The following MUC20 variants were observed in gnomAD, a reference collection of about 807,000 sequenced individuals.
MUC20 encodes mucin-20.
In MUC20, 14 loss-of-function variants were observed where a neutral mutation model predicts 23.8. The ratio of observed to expected loss-of-function variants is 0.59; its 90% CI spans 0.39 to 0.92. The LOEUF (loss-of-function observed/expected upper bound fraction) is 0.92. Ranked by LOEUF, MUC20 falls within the 40% of genes least tolerant of loss-of-function variation. The pLI, the probability that MUC20 is intolerant of heterozygous loss-of-function variation, is 0.00. For missense variants in MUC20, 375 were observed against 668.8 expected, an observed-to-expected ratio of 0.56 and a Z score of 4.85; for synonymous variants, 166 against 279.3, an observed-to-expected ratio of 0.59 and a Z score of 4.04.
chr3:195,731,106 G>A (rs796825464), intron 3 of MUC20, among the ~76,000 whole-genome samples: 4 of 152,356 alleles, frequency 2.6e-5, no homozygotes, highest in African/African-American at 9.6e-5. Flanking sequence ...GTCTAATGTG[G>A]ATTGCCTCTT....
In MUC20 at chr3:195,723,994, C is replaced by T. The variant is rs1577839961; in HGVS notation, c.77-686C>T. Among the ~76,000 whole-genome samples, 2 of 33,938 alleles carry T rather than the reference C, an allele frequency of 5.9e-5. 1 individual carries two copies. Among genetic ancestry groups the T allele is most frequent in the Admixed American group, 3.9e-4 (2 of 5,160 alleles). 22.3% of individuals were successfully genotyped at this position (33,938 alleles called of 152,430 possible). A position where few individuals can be genotyped will look rare whatever the true frequency, so the allele number is the denominator to read the frequency against. ...AGCTAGGTGTTGCCTCAGGGTCTCC[C>T]GGTGTCCTGTGGAAAATGCCTGGCC... On this transcript the variant is annotated intron_variant, in intron 1 of 3. Coordinates refer to ENST00000447234, the MANE Select transcript of MUC20 (RefSeq NM_001282506.2).
intron 2 of MUC20, chr3:195,729,382 T>C (rs549176829): frequency 8.2e-5 from 34 of 415,150 alleles, no homozygotes; most frequent in African/African-American, 6.7e-4. Flanking sequence ...AGTGCTGCGA[T>C]CTCAGATCAC....
intron 3 of MUC20, among the ~76,000 whole-genome samples, chr3:195,732,082 C>G (rs1309933898): frequency 1.3e-5 from 2 of 152,254 alleles, no homozygotes; most frequent in Admixed American, 1.3e-4. Flanking sequence ...TGGCTCACCA[C>G]AACCTCCGCC....
chr3:195,721,579 CTGCT>C (rs57056573), intron 1 of MUC20: 5,406 of 181,300 alleles, frequency 0.03, 39 homozygotes, highest in African/African-American at 0.13. Flanking sequence ...CTGCCACAAA[CTGCT>C]TGGGAAGGGT....
chr3:195,730,656 C>G (rs2148707868), intron 3 of MUC20, among the ~76,000 whole-genome samples: 1 of 152,324 alleles, frequency 6.6e-6, no homozygotes, highest in South Asian at 2.1e-4. Flanking sequence ...GGCCCCCTCT[C>G]CCCAAATTTT....
chr3:195,726,541 C>T lies in MUC20; in HGVS notation c.1938C>T (p.Ala646=), dbSNP rs1063306. The T allele has an allele frequency of 0.1, 141,032 of 1,358,710 alleles. 9 individuals carry two copies. Among genetic ancestry groups the T allele is most frequent in the East Asian group, 0.39 (15,594 of 39,958 alleles). 84.2% of individuals were successfully genotyped at this position (1,358,710 alleles called of 1,614,324 possible). A position where few individuals can be genotyped will look rare whatever the true frequency, so the allele number is the denominator to read the frequency against. Residue 646 remains alanine, a synonymous_variant, in exon 2 of 4, where the codon GCC becomes GCT. Coordinates refer to ENST00000447234, the MANE Select transcript of MUC20 (RefSeq NM_001282506.2). The part of the protein sequence containing the change: ...MKPPTATPTT[A]RTRPTTDVSA... Reference sequence around the variant, plus strand: ...CCCCAACAGCCACGCCCACGACTGCCCGGACGAGGCCGACCACAGACGTGA... The same window carrying T: ...CCCCAACAGCCACGCCCACGACTGCTCGGACGAGGCCGACCACAGACGTGA...
chr3:195,731,758 A>G (rs1713408426), intron 3 of MUC20, among the ~76,000 whole-genome samples: 1 of 152,256 alleles, frequency 6.6e-6, no homozygotes, highest in Non-Finnish European at 1.5e-5. Flanking sequence ...TACTCCCATG[A>G]GCCCACAGCC....
chr3:195,726,015 T>C lies in MUC20; in HGVS notation c.1412T>C (p.Ile471Thr). ...LPDSTEAKPHITEVTASAETL... is the reference protein window; with the variant it reads ...LPDSTEAKPHTTEVTASAETL... ...GACTCCACTGAAGCAAAACCACACA[T>C]CACTGAGGTCACAGCCTCTGCCGAG... The change falls in exon 2 of 4, where the codon ATC becomes ACC. Residue 471 changes from isoleucine to threonine, a missense_variant. By Grantham distance (89) the Ile-to-Thr change is moderately conservative. This residue lies in a region of MUC20 where 343 missense variants were observed against 340.2 expected (regional missense o/e 1.01). Transcript: ENST00000447234. The C allele has an allele frequency of 6.2e-7, 1 of 1,613,914 alleles. No homozygotes were observed. Among genetic ancestry groups the C allele is most frequent in the Non-Finnish European group, 8.5e-7 (1 of 1,179,868 alleles).
chr3:195,726,759 A>G (rs1712731639), intron 2 of MUC20, among the ~76,000 whole-genome samples, 187 bp downstream of exon 2: 1 of 152,226 alleles, frequency 6.6e-6, no homozygotes, highest in African/African-American at 2.4e-5. Context: ...AGGGTTGTGT[A>G]TGGAAAGGGG....
intron 3 of MUC20, among the ~76,000 whole-genome samples, chr3:195,731,307 G>C (rs1486853363): frequency 6.6e-6 from 1 of 152,220 alleles, no homozygotes; most frequent in Non-Finnish European, 1.5e-5. Flanking sequence ...GCTGGCTGGG[G>C]GTCTTATGCC....
intron 1 of MUC20, chr3:195,722,839 T>A (rs1712279909): frequency 1.0e-6 from 1 of 988,278 alleles, no homozygotes; most frequent in African/African-American, 1.7e-5. Flanking sequence ...TGTGTGCAGC[T>A]GGGCCGCACT....
intron 3 of MUC20, among the ~76,000 whole-genome samples, chr3:195,731,975 C>CTTTTA (rs1713433977): frequency 6.6e-6 from 1 of 151,070 alleles, no homozygotes; most frequent in African/African-American, 2.4e-5. Context: ...AAGCCAATTG[C>CTTTTA]TTTTGTTTTG....
At position 195,733,240 on chromosome 3, in the gene MUC20, C is replaced by T. The variant is rs753879962; in HGVS notation, c.*22C>T. The T allele has an allele frequency of 4.4e-6, 7 of 1,574,672 alleles. No homozygotes were observed. Among genetic ancestry groups the T allele is most frequent in the Non-Finnish European group, 6.0e-6 (7 of 1,161,058 alleles). Reference sequence around the variant, plus strand: ...CTAACGGACATCAGCTGCAGCCAGGCATGTCCCGTATGCCAAAAGAGGGTG... The same window carrying T: ...CTAACGGACATCAGCTGCAGCCAGGTATGTCCCGTATGCCAAAAGAGGGTG... On this transcript the variant is annotated 3_prime_UTR_variant, in exon 4 of 4. Coordinates refer to ENST00000447234, the MANE Select transcript of MUC20 (RefSeq NM_001282506.2).
Position 195,729,644 on chromosome 3 carries a change from G to A in MUC20, c.1970-4G>A, listed in dbSNP as rs746451272. 6 of 1,572,864 alleles carry A rather than the reference G, an allele frequency of 3.8e-6. No individual in the cohort carries two copies. In the South Asian group the frequency reaches 7.0e-5, roughly 18 times the overall value. On this transcript the variant is annotated splice_region_variant and splice_polypyrimidine_tract_variant and intron_variant, in intron 2 of 3. Transcript: ENST00000447234. ...ATTTTCATCTTACTGTTCTCCATTT[G>A]CAGGTGAAAATGGAGGTTTCCTCCT...
At position 195,725,955 on chromosome 3, in the gene MUC20, A is replaced by G. The variant is rs753615709; in HGVS notation, c.1352A>G (p.Lys451Arg). ...DTDLIPTEGV[K>R]ASSTSDPPAL... The stretch of plus-strand genomic sequence containing the variant: ...GATCTCATCCCCACGGAAGGGGTGA[A>G]GGCCTCGTCCACCTCCGATCCACCA... The change falls in exon 2 of 4, where the codon AAG (lysine) becomes AGG (arginine). Residue 451 changes from lysine (K) to arginine (R), a missense_variant. Transcript: ENST00000447234. 1.2e-6 allele frequency: 2 copies of G among 1,613,780 alleles called. No homozygotes were observed. Among genetic ancestry groups the G allele is most frequent in the African/African-American group, 2.7e-5 (2 of 74,882 alleles).
chr3:195,728,615 C>T (rs987077461), intron 2 of MUC20, among the ~76,000 whole-genome samples: 4 of 152,042 alleles, frequency 2.6e-5, no homozygotes, highest in Non-Finnish European at 4.4e-5. Flanking sequence ...AGACAGTGGC[C>T]TTCCTCTATC....
chr3:195,733,217 A>G lies in MUC20; in HGVS notation c.2129A>G (p.Ter710=). ...QVSLLRVRRG[*] ...TCCTTACTGCGTGTCAGGAGAGGCTAACGGACATCAGCTGCAGCCAGGCAT... is the reference window on the plus strand; with the variant it reads ...TCCTTACTGCGTGTCAGGAGAGGCTGACGGACATCAGCTGCAGCCAGGCAT... Residue 710 remains the stop codon, a stop_retained_variant, in exon 4 of 4, where the codon TAA becomes TGA. Transcript: ENST00000447234. The G allele has an allele frequency of 1.9e-6, 3 of 1,588,664 alleles. No individual in the cohort carries two copies. Among genetic ancestry groups the G allele is most frequent in the Non-Finnish European group, 1.7e-6 (2 of 1,168,588 alleles).
At chr3:195,729,463 C>T (rs139745266) in intron 2 of MUC20, 185 bp from the exon 3 acceptor site, 6,594 of 607,692 alleles carry the variant, frequency 0.011, no homozygotes, top group South Asian at 0.025. Flanking sequence ...ATTACAGGCA[C>T]GCACCACCAT....
intron 3 of MUC20, among the ~76,000 whole-genome samples, chr3:195,731,299 T>C (rs1713365045): frequency 1.3e-5 from 2 of 152,256 alleles, no homozygotes; most frequent in Admixed American, 1.3e-4. Flanking sequence ...GCAGAGATGC[T>C]GGCTGGGGGT....
Sources: gnomAD v4.1 joint callset for allele counts (sites outside exome capture counted in the v4.1 genomes callset) on GRCh38, gnomAD v4.1.1 for gene constraint, gnomAD v4.1.1 regional missense constraint, MANE v1.5 for transcripts, NCBI Gene and HGNC (gene_info 2026-07-23, HGNC 2026-07-21) for gene names.